ZNF823: variants seen among roughly 807,000 people sequenced by gnomAD.
The protein encoded by ZNF823 is zinc finger protein 823.
Under a neutral mutation model 11.4 loss-of-function variants are expected in ZNF823, and 5 were observed. That is an observed-to-expected ratio of 0.44 (90% CI 0.23 to 0.92). ZNF823 has a LOEUF of 0.92. Ranked by LOEUF, ZNF823 falls within the 40% of genes least tolerant of loss-of-function variation. The probability of loss-of-function intolerance (pLI) is 0.24; values close to 1 mark genes in which losing one functional copy is unlikely to be tolerated. For synonymous variants in ZNF823, 234 were observed against 250.5 expected (o/e 0.93, Z 0.62); for missense variants, 582 against 738.5 (o/e 0.79, Z 2.46).
chr19:11,727,231 C>T (rs1390415284), intron 1 of ZNF823, among the ~76,000 whole-genome samples: 1 of 152,134 alleles, frequency 6.6e-6, no homozygotes, highest in Non-Finnish European at 1.5e-5. Flanking sequence ...ACCTAACCGG[C>T]AGGGTGTGGT....
At chr19:11,734,625 C>T (rs1252865059) in intron 1 of ZNF823, among the ~76,000 whole-genome samples, 1 of 152,166 alleles carries the variant, frequency 6.6e-6, no homozygotes, top group Non-Finnish European at 1.5e-5. Context: ...GCAACCTCCA[C>T]CTCCCGGGTT....
chr19:11,733,690 C>A (rs557327722), intron 1 of ZNF823, among the ~76,000 whole-genome samples: 7 of 152,260 alleles, frequency 4.6e-5, no homozygotes, highest in African/African-American at 1.7e-4. Flanking sequence ...CAGAACAAGA[C>A]TCTGTTTCAA....
intron 1 of ZNF823, among the ~76,000 whole-genome samples, chr19:11,726,964 C>T (rs897645737): frequency 1.3e-5 from 2 of 152,026 alleles, no homozygotes; most frequent in Admixed American, 1.3e-4. Flanking sequence ...TCCATTAGAC[C>T]AAATGTAGTT....
intron 1 of ZNF823, among the ~76,000 whole-genome samples, chr19:11,733,650 G>C (rs1974944558): frequency 6.6e-6 from 1 of 152,176 alleles, no homozygotes; most frequent in African/African-American, 2.4e-5. Flanking sequence ...AGTGAGCCGA[G>C]ATCATGCCAC....
intron 2 of ZNF823, among the ~76,000 whole-genome samples, chr19:11,724,943 A>G (rs1655892187): frequency 6.6e-6 from 1 of 152,154 alleles, no homozygotes; most frequent in African/African-American, 2.4e-5. Flanking sequence ...TACATATGAC[A>G]TACAATATAT....
Position 11,722,786 on chromosome 19 carries a change from A to T in ZNF823, c.748T>A (p.Cys250Ser), listed in dbSNP as rs1244329048. The T allele has an allele frequency of 9.3e-6, 15 of 1,614,166 alleles. No individual in the cohort carries two copies. Among genetic ancestry groups the T allele is most frequent in the Non-Finnish European group, 1.3e-5 (15 of 1,180,028 alleles). Reference sequence around the variant, plus strand: ...GGAAAGGCTTTGGAACACTGCTTACATTCATACGCTTTCTCTCCCGTGTGG... The same window carrying T: ...GGAAAGGCTTTGGAACACTGCTTACTTTCATACGCTTTCTCTCCCGTGTGG... The part of the protein sequence containing the change: ...RIHTGEKAYE[C>S]KQCSKAFPDY... Residue 250 changes from cysteine (C) to serine (S), a missense_variant, in exon 4 of 4, where the codon TGT becomes AGT. By Grantham distance (112) the Cys-to-Ser change is moderately radical. Transcript: ENST00000341191. The surrounding 1 kb of genome is among the most constrained non-coding windows in gnomAD (Gnocchi z 5.2).
chr19:11,724,325 G>A (rs147743247), intron 2 of ZNF823, 71 bp from the exon 3 acceptor site: 60 of 1,371,738 alleles, frequency 4.4e-5, no homozygotes, highest in African/African-American at 7.3e-5. Context: ...GATTTTACGC[G>A]TACTGCAATC....
At position 11,722,592 on chromosome 19, in the gene ZNF823, A is replaced by G. The variant is rs375105693; in HGVS notation, c.942T>C (p.Tyr314=). 3.9e-5 allele frequency: 63 copies of G among 1,614,026 alleles called. No homozygotes were observed. The highest frequency in any genetic ancestry group is 5.2e-5 in the Non-Finnish European group (61 of 1,180,034). Residue 314 remains tyrosine, a synonymous_variant, in exon 4 of 4, where the codon TAT becomes TAC. Transcript: ENST00000341191. The surrounding 1 kb of genome is among the most constrained non-coding windows in gnomAD (Gnocchi z 5.2). Reference sequence around the variant, plus strand: ...TGTGTCTTCGAAAGCTTGTGTGATGATAAAACGTTTTCCCACATTGCTTAC... The same window carrying G: ...TGTGTCTTCGAAAGCTTGTGTGATGGTAAAACGTTTTCCCACATTGCTTAC... ...YACKQCGKTF[Y]HHTSFRRHMI...
At chr19:11,726,643 C>CT (rs1396135357) in intron 1 of ZNF823, among the ~76,000 whole-genome samples, 1 of 152,138 alleles carries the variant, frequency 6.6e-6, no homozygotes, top group African/African-American at 2.4e-5. Context: ...CCTAGGGACT[C>CT]TGCAGAGTCC....
At chr19:11,734,706 T>C (rs191939065) in intron 1 of ZNF823, among the ~76,000 whole-genome samples, 1 of 152,162 alleles carries the variant, frequency 6.6e-6, no homozygotes, top group East Asian at 1.9e-4. Flanking sequence ...CCTGGGTAAT[T>C]TTTGTATTTT....
chr19:11,722,379 A>C lies in ZNF823; in HGVS notation c.1155T>G (p.Asp385Glu). ...FRSHMITHTGDGPQKCKICGK... is the reference protein window; with the variant it reads ...FRSHMITHTGEGPQKCKICGK... ...CACATATCTTGCATTTCTGGGGTCC[A>C]TCTCCTGTGTGTGTTATCATGTGAC... The change falls in exon 4 of 4, where the codon GAT becomes GAG. Residue 385 changes from aspartate to glutamate, a missense_variant. By Grantham distance (45) the Asp-to-Glu change is conservative. Around this residue, in one of 3 missense-constraint regions of ZNF823, gnomAD observed 429 missense variants for 553.7 expected, o/e 0.77. Coordinates refer to ENST00000341191, the MANE Select transcript of ZNF823 (RefSeq NM_001080493.4). The surrounding 1 kb of genome is among the most constrained non-coding windows in gnomAD (Gnocchi z 5.2). The C allele has an allele frequency of 6.2e-7, 1 of 1,613,406 alleles. No individual in the cohort carries two copies. The highest frequency in any genetic ancestry group is 8.5e-7 in the Non-Finnish European group (1 of 1,179,908).
chr19:11,735,296 A>AG (rs1430324320), intron 1 of ZNF823, among the ~76,000 whole-genome samples: 1 of 151,802 alleles, frequency 6.6e-6, no homozygotes, highest in African/African-American at 2.4e-5. Flanking sequence ...AAAAAAAAAA[A>AG]AAAAGAAAAG....
At chr19:11,728,046 T>G (rs900682515) in intron 1 of ZNF823, among the ~76,000 whole-genome samples, 3 of 152,072 alleles carry the variant, frequency 2.0e-5, no homozygotes, top group Non-Finnish European at 4.4e-5. Flanking sequence ...TTAGCTAATT[T>G]TTTTGTATTT....
intron 1 of ZNF823, among the ~76,000 whole-genome samples, chr19:11,726,869 T>C (rs1974801296): frequency 6.6e-6 from 1 of 152,190 alleles, no homozygotes; most frequent in South Asian, 2.1e-4. Context: ...GTTTCACGTG[T>C]TTGGTTGCAA....
chr19:11,729,422 AATC>A, intron 1 of ZNF823, among the ~76,000 whole-genome samples: 1 of 152,184 alleles, frequency 6.6e-6, no homozygotes, highest in South Asian at 2.1e-4. Flanking sequence ...AAGACATAAT[AATC>A]ATTAATATCT....
At position 11,722,812 on chromosome 19, in the gene ZNF823, A is replaced by G; in HGVS notation, c.722T>C (p.Ile241Thr). Residue 241 changes from isoleucine to threonine, a missense_variant, in exon 4 of 4, where the codon ATC becomes ACC. Around this residue, in one of 3 missense-constraint regions of ZNF823, gnomAD observed 429 missense variants for 553.7 expected, o/e 0.77. Transcript: ENST00000341191. The surrounding 1 kb of genome is among the most constrained non-coding windows in gnomAD (Gnocchi z 5.2). ...TTCATACGCTTTCTCTCCCGTGTGG[A>G]TTCTTTCATGTCTTAGATAGGAACT... The part of the protein sequence containing the change: ...FYSSYLRHER[I>T]HTGEKAYECK... The G allele has an allele frequency of 6.2e-7, 1 of 1,613,812 alleles. No homozygotes were observed.
Position 11,732,465 on chromosome 19 carries a change from AT to A in ZNF823, c.3+6351del, listed in dbSNP as rs1166167987. ...CAGGCATGAGCCACCGCGCCCGGCCATTTTTTTGTATTTTTAGTAGAAACGG... is the reference window on the plus strand; with the variant it reads ...CAGGCATGAGCCACCGCGCCCGGCCATTTTTTGTATTTTTAGTAGAAACGG... On this transcript the variant is annotated intron_variant, in intron 1 of 3. Coordinates refer to ENST00000341191, the MANE Select transcript of ZNF823 (RefSeq NM_001080493.4). Among the ~76,000 whole-genome samples the A allele has an allele frequency of 2.6e-5, 4 of 150,950 alleles. No homozygotes were observed. The South Asian group carries it at 8.4e-4, about 32-fold the overall frequency.
rs1312232972 is a variant in ZNF823, at chr19:11,722,471, T to C, written c.1063A>G (p.Thr355Ala). 2.5e-6 allele frequency: 4 copies of C among 1,614,074 alleles called. No homozygotes were observed. In the African/African-American group the frequency reaches 5.3e-5, roughly 22 times the overall value. ...SSVRNHETTH[T>A]GEKPYECKQC... Reference sequence around the variant, plus strand: ...TTACATTCATAGGGTTTCTCTCCAGTGTGAGTAGTTTCATGATTTCGAACT... The same window carrying C: ...TTACATTCATAGGGTTTCTCTCCAGCGTGAGTAGTTTCATGATTTCGAACT... The change falls in exon 4 of 4, where the codon ACT becomes GCT. Residue 355 changes from threonine (T) to alanine (A), a missense_variant. This residue lies in a region of ZNF823 where 429 missense variants were observed against 553.7 expected (regional missense o/e 0.77). Coordinates refer to ENST00000341191, the MANE Select transcript of ZNF823 (RefSeq NM_001080493.4). This position sits in a 1 kb window ranked among gnomAD's most constrained non-coding sequence, Gnocchi z 5.2.
chr19:11,733,060 T>C (rs1974930223), intron 1 of ZNF823, among the ~76,000 whole-genome samples: 2 of 152,126 alleles, frequency 1.3e-5, no homozygotes, highest in Non-Finnish European at 2.9e-5. Flanking sequence ...TTAGGACTAC[T>C]TTGCCAGGAC....
Sources: gnomAD v4.1 joint callset for allele counts (sites outside exome capture counted in the v4.1 genomes callset) on GRCh38, gnomAD v4.1.1 for gene constraint, gnomAD v4.1.1 regional missense constraint, Gnocchi (gnomAD v3.1) non-coding constraint, MANE v1.5 for transcripts, NCBI Gene and HGNC (gene_info 2026-07-23, HGNC 2026-07-21) for gene names.